Variants in PPP2R3A observed in about 807,000 individuals in gnomAD.
PPP2R3A encodes the protein serine/threonine-protein phosphatase 2A regulatory subunit B'' subunit alpha.
Under a neutral mutation model 106.9 loss-of-function variants are expected in PPP2R3A, and 80 were observed. That is an observed-to-expected ratio of 0.75 (90% CI 0.62 to 0.90). The LOEUF is 0.90. PPP2R3A is among the 40% of genes least tolerant of loss of function. The pLI is 0.00. For synonymous variants in PPP2R3A, 483 were observed against 468.3 expected (o/e 1.03, Z -0.41); for missense variants, 1,386 against 1,350.4 (o/e 1.03, Z -0.41).
At chr3:136,145,016 T>A (rs757504691) in intron 13 of PPP2R3A, 27 bp from the exon 14 acceptor site, 1 of 1,600,910 alleles carries the variant, frequency 6.2e-7, no homozygotes, top group Admixed American at 1.7e-5. Flanking sequence ...ATCAATCAGT[T>A]AATTCACTTT....
chr3:135,975,016 G>A (rs559228536), intron 1 of PPP2R3A, among the ~76,000 whole-genome samples: 3 of 152,266 alleles, frequency 2.0e-5, no homozygotes, highest in South Asian at 4.1e-4. Flanking sequence ...GTACTGATGT[G>A]CTCCTACCAA....
chr3:136,115,674 A>G (rs1937720743), intron 13 of PPP2R3A, among the ~76,000 whole-genome samples: 2 of 151,776 alleles, frequency 1.3e-5, no homozygotes, highest in Non-Finnish European at 2.9e-5. Context: ...GCTTAATGAA[A>G]TAAAACAAGA....
At chr3:136,119,114 A>G (rs1937894128) in intron 13 of PPP2R3A, among the ~76,000 whole-genome samples, 4 of 152,254 alleles carry the variant, frequency 2.6e-5, no homozygotes, top group Admixed American at 2.6e-4. Context: ...AAAACAAGCA[A>G]TGGGAAAAGG....
intron 13 of PPP2R3A, among the ~76,000 whole-genome samples, chr3:136,111,260 T>C (rs1363889321): frequency 6.6e-6 from 1 of 152,194 alleles, no homozygotes; most frequent in African/African-American, 2.4e-5. Flanking sequence ...ATGGTTCTTA[T>C]TTGTATAAGA....
intron 6 of PPP2R3A, among the ~76,000 whole-genome samples, chr3:136,077,787 CTA>C (rs1936645209): frequency 6.6e-6 from 1 of 152,096 alleles, no homozygotes; most frequent in African/African-American, 2.4e-5. Flanking sequence ...TGCAATTCTG[CTA>C]AACCCATTAA....
intron 13 of PPP2R3A, among the ~76,000 whole-genome samples, chr3:136,136,094 A>ATATATATATAT (rs1169806652): frequency 3.5e-5 from 5 of 142,250 alleles, no homozygotes; most frequent in Non-Finnish European, 6.1e-5. Flanking sequence ...ATATATATAT[A>ATATATATATAT]AAAAACATCA....
intron 13 of PPP2R3A, among the ~76,000 whole-genome samples, chr3:136,133,905 A>G (rs1184542103): frequency 1.3e-5 from 2 of 151,042 alleles, no homozygotes; most frequent in East Asian, 1.9e-4. Flanking sequence ...AAAAAAAAAA[A>G]AAAGAAATTT....
At chr3:136,140,005 C>CAAAA (rs370749523) in intron 13 of PPP2R3A, among the ~76,000 whole-genome samples, 1 of 84,242 alleles carries the variant, frequency 1.2e-5, no homozygotes, top group African/African-American at 4.7e-5. Flanking sequence ...GACTCTGTCT[C>CAAAA]AAAAAAAAAA....
chr3:135,986,318 A>G (rs541603090), intron 1 of PPP2R3A, among the ~76,000 whole-genome samples: 1 of 152,156 alleles, frequency 6.6e-6, no homozygotes, highest in Admixed American at 6.5e-5. Context: ...ATCATCAGTC[A>G]CCATCATCTC....
In PPP2R3A at chr3:136,090,680, A is replaced by G. The variant is rs1266748107; in HGVS notation, c.2927+13A>G. 1.9e-6 allele frequency: 3 copies of G among 1,603,184 alleles called. No homozygotes were observed. Among genetic ancestry groups the G allele is most frequent in the Admixed American group, 1.7e-5 (1 of 59,924 alleles). ...GGAATCCTACCAGGTATGATTTCTA[A>G]GTTTCCTTTGCCAAGATGTTAAACA... On this transcript the variant is annotated intron_variant, in intron 10 of 13. Transcript: ENST00000264977.
chr3:136,076,503 A>G (rs1936598200), intron 6 of PPP2R3A, among the ~76,000 whole-genome samples: 1 of 152,214 alleles, frequency 6.6e-6, no homozygotes, highest in African/African-American at 2.4e-5. Flanking sequence ...TTGGGTTGAC[A>G]TTCATCTGCT....
rs114102137 is a variant in PPP2R3A at position 136,047,460 on chromosome 3, C to T, written c.2367-1799C>T. On this transcript the variant is annotated intron_variant, in intron 4 of 13. Coordinates refer to ENST00000264977, the MANE Select transcript of PPP2R3A (RefSeq NM_002718.5). ...AGGTACACCATGGACTACTAAGCAG[C>T]CGTAAAAAAGAATGAAGTCTTGTTC... 4.6e-3 allele frequency among the ~76,000 whole-genome samples: 706 copies of T among 152,262 alleles called. 7 individuals are homozygous for T. Among genetic ancestry groups the T allele is most frequent in the African/African-American group, 0.016 (660 of 41,544 alleles).
At chr3:136,023,000 C>T (rs1428682752) in intron 2 of PPP2R3A, 3 of 1,585,510 alleles carry the variant, frequency 1.9e-6, no homozygotes, top group Admixed American at 3.9e-5. Flanking sequence ...ACAAGATTGA[C>T]AACTTGCTAA....
rs376170790 is a variant in PPP2R3A, at chr3:136,002,685, A to G, written c.1187A>G (p.Gln396Arg). Residue 396 changes from glutamine (Q) to arginine (R), a missense_variant, in exon 2 of 14, where the codon CAG becomes CGG. Coordinates refer to ENST00000264977, the MANE Select transcript of PPP2R3A (RefSeq NM_002718.5). ...RTLKAVQVQSQSLTMNPLENV... is the reference protein window; with the variant it reads ...RTLKAVQVQSRSLTMNPLENV... ...CTAAAAGCTGTCCAGGTCCAATCAC[A>G]GTCATTAACCATGAATCCTTTAGAA... The G allele has an allele frequency of 1.6e-4, 254 of 1,613,410 alleles. 1 individual carries two copies. In the South Asian group the frequency reaches 2.0e-3, roughly 13 times the overall value.
intron 1 of PPP2R3A, among the ~76,000 whole-genome samples, chr3:136,000,558 A>C (rs1180342072): frequency 6.6e-6 from 1 of 152,190 alleles, no homozygotes; most frequent in African/African-American, 2.4e-5. Context: ...GAGTAGAGGA[A>C]GTTTGAGACT....
chr3:136,077,502 C>G (rs1936636624), intron 6 of PPP2R3A, among the ~76,000 whole-genome samples: 2 of 138,958 alleles, frequency 1.4e-5, no homozygotes, highest in Admixed American at 7.1e-5. Context: ...AATGCACCCC[C>G]CCACCCACCC....
chr3:136,027,222 T>A, intron 3 of PPP2R3A, 124 bp downstream of exon 3: 1 of 872,580 alleles, frequency 1.1e-6, no homozygotes. Flanking sequence ...TAAGCATGCA[T>A]GGAATTGTTG....
At chr3:136,093,967 C>G (rs1354781089) in intron 10 of PPP2R3A, among the ~76,000 whole-genome samples, 1 of 151,366 alleles carries the variant, frequency 6.6e-6, no homozygotes, top group Non-Finnish European at 1.5e-5. Context: ...TCACAATAGC[C>G]AAAAGTTGGG....
At chr3:136,117,542 G>C (rs1284024321) in intron 13 of PPP2R3A, among the ~76,000 whole-genome samples, 1 of 151,872 alleles carries the variant, frequency 6.6e-6, no homozygotes, top group Non-Finnish European at 1.5e-5. Flanking sequence ...AATGATAAAG[G>C]GGATATCACC....
Sources: allele counts gnomAD v4.1 joint callset (sites outside exome capture counted in the v4.1 genomes callset), GRCh38; gene constraint gnomAD v4.1.1; transcripts MANE v1.5; gene names NCBI Gene and HGNC (gene_info 2026-07-23, HGNC 2026-07-21).